BMPR1B: variants seen among roughly 807,000 people sequenced by gnomAD.
BMPR1B encodes bone morphogenetic protein receptor type 1B.
In BMPR1B, 12 loss-of-function variants were observed where a neutral mutation model predicts 59.1. That is an observed-to-expected ratio of 0.20 (90% CI 0.13 to 0.33). BMPR1B has a LOEUF of 0.33. Ranked by LOEUF, BMPR1B falls within the 10% of genes least tolerant of loss-of-function variation. The pLI, the probability that BMPR1B is intolerant of heterozygous loss-of-function variation, is 1.00. For missense variants in BMPR1B, 550 were observed against 610.9 expected (o/e 0.90, Z 1.05); for synonymous variants, 237 against 207.3 (o/e 1.14, Z -1.23).
At chr4:95,054,843 A>AT (rs1278047813) in intron 3 of BMPR1B, among the ~76,000 whole-genome samples, 6 of 152,174 alleles carry the variant, frequency 3.9e-5, no homozygotes, top group Non-Finnish European at 5.9e-5. Flanking sequence ...GGTGGCAACA[A>AT]TGTACCCGTC....
At chr4:95,149,068 C>T (rs1734849331) in intron 11 of BMPR1B, 145 bp downstream of exon 11, 1 of 1,066,992 alleles carries the variant, frequency 9.4e-7, no homozygotes, top group African/African-American at 1.6e-5. Flanking sequence ...CATAGTGCTT[C>T]CAGGAAATTA....
chr4:94,823,586 C>A (rs1724280375), intron 1 of BMPR1B, among the ~76,000 whole-genome samples: 1 of 152,096 alleles, frequency 6.6e-6, no homozygotes, highest in Non-Finnish European at 1.5e-5. Context: ...GCATACTAAG[C>A]CCTCTACTGC....
intron 1 of BMPR1B, among the ~76,000 whole-genome samples, chr4:94,783,119 C>G (rs1223408049): frequency 6.6e-6 from 1 of 152,150 alleles, no homozygotes; most frequent in African/African-American, 2.4e-5. Flanking sequence ...ATATCTTTGT[C>G]AAGCTGCTCA....
At chr4:94,791,277 A>G (rs528756287) in intron 1 of BMPR1B, among the ~76,000 whole-genome samples, 1 of 152,102 alleles carries the variant, frequency 6.6e-6, no homozygotes, top group East Asian at 1.9e-4. Flanking sequence ...GTGTGAGCCA[A>G]CCCGTCCAGC....
chr4:94,831,139 G>A (rs79024770), intron 1 of BMPR1B, among the ~76,000 whole-genome samples: 18,248 of 151,810 alleles, frequency 0.12, 1,166 homozygotes, highest in Non-Finnish European at 0.13. Flanking sequence ...GACAGGATAT[G>A]GAGGGGAAAG....
intron 3 of BMPR1B, among the ~76,000 whole-genome samples, chr4:95,082,003 CTTTAAG>C (rs933979595): frequency 2.2e-4 from 33 of 151,438 alleles, no homozygotes; most frequent in African/African-American, 7.8e-4. Flanking sequence ...TATTATTATA[CTTTAAG>C]TTTAGGGTAC....
intron 1 of BMPR1B, among the ~76,000 whole-genome samples, chr4:94,794,338 G>A (rs1050720540): frequency 2.0e-5 from 3 of 151,718 alleles, no homozygotes; most frequent in African/African-American, 7.3e-5. Flanking sequence ...CAGATATGTG[G>A]CGTTATTTCT....
chr4:95,088,693 A>G (rs1460548938), intron 3 of BMPR1B, among the ~76,000 whole-genome samples: 2 of 152,186 alleles, frequency 1.3e-5, no homozygotes, highest in Non-Finnish European at 2.9e-5. Context: ...TTCCCAAGAA[A>G]GAAAGAAACT....
chr4:94,836,524 T>C (rs1191639598), intron 1 of BMPR1B, among the ~76,000 whole-genome samples: 1 of 146,696 alleles, frequency 6.8e-6, no homozygotes, highest in Non-Finnish European at 1.5e-5. Flanking sequence ...ATGAGCATTT[T>C]TTCATGTGTT....
At chr4:95,110,973 C>T (rs1731588771) in intron 4 of BMPR1B, among the ~76,000 whole-genome samples, 1 of 152,232 alleles carries the variant, frequency 6.6e-6, no homozygotes, top group South Asian at 2.1e-4. Context: ...TGACTTTACT[C>T]CCTTGAGTGA....
At chr4:95,055,455 T>C (rs2149195667) in intron 3 of BMPR1B, among the ~76,000 whole-genome samples, 1 of 152,324 alleles carries the variant, frequency 6.6e-6, no homozygotes, top group Admixed American at 6.5e-5. Context: ...CAAAATATAC[T>C]GAAAATCTGA....
At chr4:94,846,074 A>G (rs1395832479) in intron 1 of BMPR1B, among the ~76,000 whole-genome samples, 2 of 152,220 alleles carry the variant, frequency 1.3e-5, no homozygotes, top group African/African-American at 2.4e-5. Context: ...CTGCAGAGCT[A>G]TAGTAATCAA....
intron 3 of BMPR1B, among the ~76,000 whole-genome samples, chr4:95,066,303 G>A (rs1199495613): frequency 1.3e-5 from 2 of 152,208 alleles, no homozygotes; most frequent in Non-Finnish European, 2.9e-5. Context: ...GATAGGAGGA[G>A]CACATAGACA....
intron 2 of BMPR1B, among the ~76,000 whole-genome samples, chr4:94,944,354 T>TG (rs1262123856): frequency 1.3e-5 from 2 of 152,214 alleles, no homozygotes; most frequent in Non-Finnish European, 2.9e-5. Context: ...ATTAGGAAAC[T>TG]GGACTCCTCT....
At chr4:94,781,092 T>G (rs562408631) in intron 1 of BMPR1B, among the ~76,000 whole-genome samples, 4 of 152,228 alleles carry the variant, frequency 2.6e-5, no homozygotes, top group African/African-American at 4.8e-5. Context: ...CAAGCATGTT[T>G]TCATGTGCTT....
chr4:94,984,304 A>G (rs190812993), intron 2 of BMPR1B, among the ~76,000 whole-genome samples: 30 of 152,324 alleles, frequency 2.0e-4, no homozygotes, highest in Non-Finnish European at 1.5e-5. Context: ...AACACCTGAT[A>G]TGCATTTTAA....
At chr4:95,066,689 C>CA (rs954820181) in intron 3 of BMPR1B, among the ~76,000 whole-genome samples, 12 of 152,292 alleles carry the variant, frequency 7.9e-5, no homozygotes, top group South Asian at 4.1e-4. Context: ...GTGGTCCCTG[C>CA]AGTGGCATTA....
At chr4:95,069,662 T>G (rs1193939129) in intron 3 of BMPR1B, among the ~76,000 whole-genome samples, 3 of 152,236 alleles carry the variant, frequency 2.0e-5, no homozygotes, top group Admixed American at 2.0e-4. Flanking sequence ...CTGTTTCTTT[T>G]TCTCCATTGA....
At chr4:94,965,852 C>T (rs1307177528) in intron 2 of BMPR1B, among the ~76,000 whole-genome samples, 1 of 152,106 alleles carries the variant, frequency 6.6e-6, no homozygotes, top group Non-Finnish European at 1.5e-5. Context: ...CACTCAACAG[C>T]TCTGATCAGT....
Sources: allele counts gnomAD v4.1 joint callset (sites outside exome capture counted in the v4.1 genomes callset), GRCh38; gene constraint gnomAD v4.1.1; transcripts MANE v1.5; gene names NCBI Gene and HGNC (gene_info 2026-07-23, HGNC 2026-07-21).